MCPH1: variants seen among roughly 807,000 people sequenced by gnomAD.
MCPH1 encodes the protein microcephalin.
MCPH1 carries 104 observed loss-of-function variants against 84.5 expected under a neutral mutation model. That is an observed-to-expected ratio of 1.23 (90% confidence interval 1.05 to 1.45). The LOEUF (loss-of-function observed/expected upper bound fraction) is 1.45. MCPH1 is among the 40% of genes most tolerant of loss of function. The pLI is 0.00. For synonymous variants in MCPH1, 514 were observed against 366.8 expected (o/e 1.40, Z -4.58); for missense variants, 1,498 against 1,005.7 (o/e 1.49, Z -6.62).
At chr8:6,612,198 C>T (rs1830343448) in intron 12 of MCPH1, among the ~76,000 whole-genome samples, 2 of 152,272 alleles carry the variant, frequency 1.3e-5, no homozygotes, top group South Asian at 4.2e-4. Context: ...GAACCCGGGG[C>T]AGAAACCAAA....
At chr8:6,408,640 C>G (rs939182459) in intron 1 of MCPH1, among the ~76,000 whole-genome samples, 1 of 151,514 alleles carries the variant, frequency 6.6e-6, no homozygotes, top group South Asian at 2.1e-4. Flanking sequence ...TCTAGGGATT[C>G]TCCCACCTCA....
chr8:6,562,829 C>T, intron 12 of MCPH1: 3 of 1,613,304 alleles, frequency 1.9e-6, no homozygotes, highest in Non-Finnish European at 2.5e-6. Flanking sequence ...CCATGCTGGA[C>T]CTGATATTGC....
In MCPH1 at chr8:6,436,172, G is replaced by T. The variant is rs753914215; in HGVS notation, c.436+10G>T. 2.4e-5 allele frequency: 39 copies of T among 1,611,738 alleles called. No individual in the cohort carries two copies. In the South Asian group the frequency reaches 4.3e-4, roughly 18 times the overall value. ...CAAAAAACAAATCTAGGTAAGCTAAGAAATATAATACAGTTCTTTGCATTT... is the reference window on the plus strand; with the variant it reads ...CAAAAAACAAATCTAGGTAAGCTAATAAATATAATACAGTTCTTTGCATTT... On this transcript the variant is annotated intron_variant, in intron 5 of 13. Transcript: ENST00000344683.
intron 12 of MCPH1, among the ~76,000 whole-genome samples, chr8:6,583,690 G>A (rs1425641251): frequency 1.3e-5 from 2 of 152,146 alleles, no homozygotes; most frequent in Non-Finnish European, 2.9e-5. Flanking sequence ...TTGGAAATGA[G>A]CTCATCCCCA....
chr8:6,445,315 C>T lies in MCPH1; in HGVS notation c.1593C>T (p.Asp531=), dbSNP rs762073118. 2.5e-6 allele frequency: 4 copies of T among 1,614,070 alleles called. No individual in the cohort carries two copies. Among genetic ancestry groups the T allele is most frequent in the East Asian group, 2.2e-5 (1 of 44,884 alleles). The change falls in exon 8 of 14, where the codon GAC becomes GAT. Residue 531 remains aspartate (D), a synonymous_variant. Coordinates refer to ENST00000344683, the MANE Select transcript of MCPH1 (RefSeq NM_024596.5). ...EGNGFSYTIE[D]PALPKGHDDD... The stretch of plus-strand genomic sequence containing the variant: ...ATGGCTTTTCTTACACCATTGAGGA[C>T]CCTGCTCTTCCAAAAGGACATGATG...
At position 6,488,139 on chromosome 8, in the gene MCPH1, G is replaced by C. The variant is rs368544809; in HGVS notation, c.2136+7263G>C. ...GTGCCAGAGCTCATTCTCTGCGGAG[G>C]CTCCTGCAGGCTGCGGCAGCGTGGC... On this transcript the variant is annotated intron_variant, in intron 11 of 13. Coordinates refer to ENST00000344683, the MANE Select transcript of MCPH1 (RefSeq NM_024596.5). Among the ~76,000 whole-genome samples, 69 of 152,352 alleles carry C rather than the reference G, an allele frequency of 4.5e-4. 1 individual carries two copies. The highest frequency in any genetic ancestry group is 1.6e-3 in the African/African-American group (68 of 41,580).
chr8:6,477,055 T>C (rs977019268), intron 9 of MCPH1, among the ~76,000 whole-genome samples: 1 of 12,502 alleles, frequency 8.0e-5, no homozygotes, highest in Non-Finnish European at 1.8e-4. Flanking sequence ...AATTAAACAT[T>C]TTATTTAAAT....
intron 12 of MCPH1, among the ~76,000 whole-genome samples, chr8:6,562,410 G>C (rs972931637): frequency 6.6e-6 from 1 of 152,088 alleles, no homozygotes; most frequent in African/African-American, 2.4e-5. Context: ...GAGATTTTCT[G>C]TATTGACTCT....
intron 12 of MCPH1, among the ~76,000 whole-genome samples, chr8:6,557,376 G>A (rs1226190959): frequency 6.6e-6 from 1 of 152,144 alleles, no homozygotes; most frequent in Non-Finnish European, 1.5e-5. Flanking sequence ...GGTGAGGTGT[G>A]GAAAGTGCTT....
intron 13 of MCPH1, among the ~76,000 whole-genome samples, chr8:6,639,768 A>G (rs922911703): frequency 6.6e-5 from 10 of 152,046 alleles, no homozygotes; most frequent in African/African-American, 9.7e-5. Context: ...ATGCTTTTTC[A>G]GGAGCTTTTA....
chr8:6,536,608 A>T (rs1426580309), intron 12 of MCPH1, among the ~76,000 whole-genome samples: 1 of 152,174 alleles, frequency 6.6e-6, no homozygotes, highest in Non-Finnish European at 1.5e-5. Context: ...TTTCTTCCAA[A>T]GATTAGTAGT....
At chr8:6,624,624 T>A (rs927494582) in intron 13 of MCPH1, among the ~76,000 whole-genome samples, 1 of 152,228 alleles carries the variant, frequency 6.6e-6, no homozygotes, top group Non-Finnish European at 1.5e-5. Flanking sequence ...TGTCCGTACA[T>A]ACTTCTGGCT....
chr8:6,551,829 CGTACTTTCTCGA>C (rs1278554245), intron 12 of MCPH1, among the ~76,000 whole-genome samples: 4 of 152,154 alleles, frequency 2.6e-5, no homozygotes, highest in African/African-American at 9.7e-5. Flanking sequence ...AATACAATAA[CGTACTTTCTCGA>C]GCAGAATTTT....
rs7843573 is a variant in MCPH1, at chr8:6,576,340, T to A, written c.2215-45114T>A. 7.8e-3 allele frequency among the ~76,000 whole-genome samples: 1,183 copies of A among 152,316 alleles called. 21 individuals are homozygous for A. Among genetic ancestry groups the A allele is most frequent in the African/African-American group, 0.027 (1,132 of 41,578 alleles). Reference sequence around the variant, plus strand: ...GGAAGATGGGGCTGACCTCAGGGCCTCCAGCACTTAGGCACTTATCCATAT... The same window carrying A: ...GGAAGATGGGGCTGACCTCAGGGCCACCAGCACTTAGGCACTTATCCATAT... On this transcript the variant is annotated intron_variant, in intron 12 of 13. Transcript: ENST00000344683.
chr8:6,620,032 G>C (rs1273608650), intron 12 of MCPH1: 1 of 152,214 alleles, frequency 6.6e-6, no homozygotes, highest in Non-Finnish European at 1.5e-5. Context: ...ATTTGCCAAA[G>C]CAAATCTCTT....
chr8:6,521,306 T>C, intron 12 of MCPH1: 1 of 1,613,856 alleles, frequency 6.2e-7, no homozygotes. Context: ...AATGATGGAA[T>C]TTTGCTTGGA....
intron 13 of MCPH1, chr8:6,625,178 A>T (rs1175553853): frequency 2.0e-6 from 2 of 985,310 alleles, no homozygotes; most frequent in Non-Finnish European, 2.4e-6. Context: ...CCTGGCCGAA[A>T]TCACCTATTT....
chr8:6,491,389 T>TG (rs1341132625), intron 11 of MCPH1, among the ~76,000 whole-genome samples: 21 of 151,342 alleles, frequency 1.4e-4, no homozygotes, highest in African/African-American at 4.8e-4. Context: ...TTTTTTTTTT[T>TG]TTTTAGCTGC....
chr8:6,431,630 A>G (rs371519943), intron 4 of MCPH1, 44 bp downstream of exon 4: 406 of 1,298,284 alleles, frequency 3.1e-4, no homozygotes, highest in Non-Finnish European at 3.5e-4. Flanking sequence ...TTAGGAATTT[A>G]TTCGTTTTTA....
Sources: allele counts gnomAD v4.1 joint callset (sites outside exome capture counted in the v4.1 genomes callset), GRCh38; gene constraint gnomAD v4.1.1; transcripts MANE v1.5; gene names NCBI Gene and HGNC (gene_info 2026-07-23, HGNC 2026-07-21).